GLI2: variants seen among roughly 807,000 people sequenced by gnomAD.
The protein encoded by GLI2 is transcription activator GLI2.
Under a neutral mutation model 78.9 loss-of-function variants are expected in GLI2, and 22 were observed. The observed-to-expected ratio is 0.28, with a 90% CI of 0.20 to 0.40. The LOEUF (loss-of-function observed/expected upper bound fraction) is 0.40, where lower values mean the gene tolerates loss of function less well. Ranked by LOEUF, GLI2 falls within the 10% of genes least tolerant of loss-of-function variation. The pLI, the probability that GLI2 is intolerant of heterozygous loss-of-function variation, is 1.00. For missense variants in GLI2, 2,097 were observed against 2,213.2 expected, an observed-to-expected ratio of 0.95 and a Z score of 1.05; for synonymous variants, 974 against 963.7, an observed-to-expected ratio of 1.01 and a Z score of -0.20.
intron 2 of GLI2, among the ~76,000 whole-genome samples, chr2:120,914,328 G>GGGCAC (rs1678984590): frequency 6.6e-6 from 1 of 152,204 alleles, no homozygotes; most frequent in South Asian, 2.1e-4. Context: ...ACTAGGGCCT[G>GGGCAC]GGCACCGTCT....
At chr2:120,886,359 G>A (rs980089895) in intron 2 of GLI2, among the ~76,000 whole-genome samples, 2 of 151,958 alleles carry the variant, frequency 1.3e-5, no homozygotes, top group Non-Finnish European at 2.9e-5. Flanking sequence ...TTGTCCTGCT[G>A]GGCTTAAGCG....
intron 10 of GLI2, among the ~76,000 whole-genome samples, chr2:120,982,015 G>C (rs766984547): frequency 4.6e-5 from 7 of 152,190 alleles, no homozygotes; most frequent in Non-Finnish European, 1.0e-4. Context: ...GGGTATAAAG[G>C]AGAGAGGATA....
intron 2 of GLI2, among the ~76,000 whole-genome samples, chr2:120,853,121 C>T (rs1687488998): frequency 6.6e-6 from 1 of 152,140 alleles, no homozygotes; most frequent in Admixed American, 6.5e-5. Flanking sequence ...GGTGCTGGCC[C>T]TCAGAGGGTC....
intron 8 of GLI2, among the ~76,000 whole-genome samples, chr2:120,974,619 C>T (rs1445089193): frequency 6.6e-6 from 1 of 152,230 alleles, no homozygotes; most frequent in African/African-American, 2.4e-5. Flanking sequence ...TGCAGATGCC[C>T]ATGCGTTAGG....
At chr2:120,798,029 C>T (rs527283314) in intron 2 of GLI2, among the ~76,000 whole-genome samples, 2 of 152,188 alleles carry the variant, frequency 1.3e-5, no homozygotes, top group East Asian at 1.9e-4. Flanking sequence ...CTGGGCCATC[C>T]GTGCCAGCAT....
At chr2:120,805,881 A>C (rs1684923970) in intron 2 of GLI2, among the ~76,000 whole-genome samples, 1 of 152,200 alleles carries the variant, frequency 6.6e-6, no homozygotes. Flanking sequence ...GGGGTTTATC[A>C]TTTTAGTCAT....
chr2:120,748,102 G>C (rs1325654838), intron 1 of GLI2, among the ~76,000 whole-genome samples: 1 of 152,182 alleles, frequency 6.6e-6, no homozygotes, highest in Non-Finnish European at 1.5e-5. Flanking sequence ...GCCTAGGACG[G>C]AGCCTACTTT....
rs1682392581 is a variant in GLI2 at position 120,737,211 on chromosome 2, A to T, written c.-31+926A>T. On this transcript the variant is annotated intron_variant, in intron 1 of 13. Transcript: ENST00000361492. This position sits in a 1 kb window ranked among gnomAD's most constrained non-coding sequence, Gnocchi z 4.3. ...GGGCGGGGGCGGGGAGCTGGGAGGG[A>T]GCGTGTGCTTGCGTGTGTGAGTGTG... Among the ~76,000 whole-genome samples, 2 of 151,330 alleles carry T rather than the reference A, an allele frequency of 1.3e-5. No individual in the cohort carries two copies. The highest frequency in any genetic ancestry group is 4.2e-4 in the South Asian group (2 of 4,752).
intron 5 of GLI2, among the ~76,000 whole-genome samples, chr2:120,962,072 A>T (rs1681594483): frequency 6.6e-6 from 1 of 152,100 alleles, no homozygotes; most frequent in Non-Finnish European, 1.5e-5. Flanking sequence ...ACAGGTATAG[A>T]TGATATGTTG....
At chr2:120,940,387 C>T (rs564909697) in intron 3 of GLI2, among the ~76,000 whole-genome samples, 3 of 152,258 alleles carry the variant, frequency 2.0e-5, no homozygotes, top group Non-Finnish European at 4.4e-5. Flanking sequence ...TTCCCCAATA[C>T]AACATGTCCT....
intron 2 of GLI2, among the ~76,000 whole-genome samples, chr2:120,919,283 C>T (rs1301634144): frequency 5.9e-5 from 9 of 152,218 alleles, no homozygotes; most frequent in Admixed American, 6.5e-5. Flanking sequence ...TCCCAAAGTC[C>T]CCCATAGTGG....
chr2:120,979,754 C>T (rs1238596520), intron 10 of GLI2, among the ~76,000 whole-genome samples: 1 of 152,068 alleles, frequency 6.6e-6, no homozygotes, highest in African/African-American at 2.4e-5. Context: ...CTAATTCTGT[C>T]CTTCCCACAG....
chr2:120,972,795 A>T (rs1682253727), intron 8 of GLI2: 1 of 461,666 alleles, frequency 2.2e-6, no homozygotes, highest in South Asian at 1.5e-5. Context: ...AGCAGCCCAC[A>T]GCCCAGTGCA....
chr2:120,960,667 C>T (rs1681509015), intron 5 of GLI2, among the ~76,000 whole-genome samples: 1 of 152,226 alleles, frequency 6.6e-6, no homozygotes, highest in Non-Finnish European at 1.5e-5. Context: ...TCATCTGGGC[C>T]ATGTGTGGCC....
At chr2:120,923,226 A>G (rs563687465) in intron 2 of GLI2, among the ~76,000 whole-genome samples, 64 of 132,452 alleles carry the variant, frequency 4.8e-4, no homozygotes, top group African/African-American at 1.8e-3. Flanking sequence ...ACGTACACAT[A>G]TACACAGCAA....
chr2:120,990,140 G>A lies in GLI2; in HGVS notation c.4175G>A (p.Ser1392Asn), dbSNP rs1222396896. The stretch of plus-strand genomic sequence containing the variant: ...CATGCCATGGCTGCCATGCCGTCCA[G>A]TCAGGAAACAGCAGAGGCTGTGCCC... Reference protein sequence around the residue: ...TGHAMAAMPSSQETAEAVPKG... With the variant: ...TGHAMAAMPSNQETAEAVPKG... The change falls in exon 14 of 14, where the codon AGT becomes AAT. Residue 1392 changes from serine (S) to asparagine (N), a missense_variant. By Grantham distance (46) the Ser-to-Asn change is conservative. Coordinates refer to ENST00000361492, the MANE Select transcript of GLI2 (RefSeq NM_001374353.1). The A allele has an allele frequency of 6.2e-7, 1 of 1,609,232 alleles. No individual in the cohort carries two copies. The highest frequency in any genetic ancestry group is 2.2e-5 in the East Asian group (1 of 44,770).
intron 3 of GLI2, among the ~76,000 whole-genome samples, chr2:120,938,530 A>G (rs1254238125): frequency 1.3e-5 from 2 of 152,184 alleles, no homozygotes; most frequent in Admixed American, 6.5e-5. Context: ...CCAAAACATC[A>G]GTGTTTACTT....
At chr2:120,901,644 A>G (rs943894392) in intron 2 of GLI2, among the ~76,000 whole-genome samples, 7 of 152,260 alleles carry the variant, frequency 4.6e-5, no homozygotes, top group Non-Finnish European at 7.3e-5. Flanking sequence ...TATTTGTGAT[A>G]GAATCCTTGC....
intron 2 of GLI2, among the ~76,000 whole-genome samples, chr2:120,893,449 T>C (rs1677779405): frequency 6.6e-6 from 1 of 152,128 alleles, no homozygotes. Context: ...AAGGATCTTC[T>C]GAGAACGGAC....
Sources: allele counts gnomAD v4.1 joint callset (sites outside exome capture counted in the v4.1 genomes callset), GRCh38; gene constraint gnomAD v4.1.1; non-coding constraint Gnocchi (gnomAD v3.1); transcripts MANE v1.5; gene names NCBI Gene and HGNC (gene_info 2026-07-23, HGNC 2026-07-21).